Variants in IL6R observed in about 807,000 individuals in gnomAD.
The protein encoded by IL6R is interleukin 6 receptor, also known as interleukin-6 receptor subunit alpha.
In IL6R, 38 loss-of-function variants were observed where a neutral mutation model predicts 48.3. The ratio of observed to expected loss-of-function variants is 0.79; its 90% CI spans 0.61 to 1.03. The LOEUF (loss-of-function observed/expected upper bound fraction) is 1.03, where lower values mean the gene tolerates loss of function less well. Ranked by LOEUF, IL6R falls within the 50% of genes least tolerant of loss-of-function variation. The pLI, the probability that IL6R is intolerant of heterozygous loss-of-function variation, is 0.00. For synonymous variants in IL6R, 264 were observed against 256.2 expected (o/e 1.03, Z -0.29); for missense variants, 534 against 618.3 (o/e 0.86, Z 1.45).
At chr1:154,424,822 C>T (rs1018675823) in intron 1 of IL6R, among the ~76,000 whole-genome samples, 2 of 152,122 alleles carry the variant, frequency 1.3e-5, no homozygotes, top group African/African-American at 2.4e-5. Flanking sequence ...CAAAACCCCT[C>T]AGACACCGAG....
At chr1:154,428,237 CA>C (rs1190166749) in intron 1 of IL6R, among the ~76,000 whole-genome samples, 1 of 152,040 alleles carries the variant, frequency 6.6e-6, no homozygotes, top group Non-Finnish European at 1.5e-5. Context: ...AGAATACACC[CA>C]ATTTTTTTCA....
At chr1:154,439,403 C>T (rs1689812170) in intron 6 of IL6R, among the ~76,000 whole-genome samples, 1 of 152,176 alleles carries the variant, frequency 6.6e-6, no homozygotes, top group South Asian at 2.1e-4. Context: ...CAACCTCTGC[C>T]TCCCGGGTTC....
intron 7 of IL6R, among the ~76,000 whole-genome samples, chr1:154,448,951 T>A (rs1030435950): frequency 1.5e-5 from 2 of 132,602 alleles, no homozygotes; most frequent in African/African-American, 2.9e-5. Context: ...CGGACTGCAG[T>A]GGCGCAATCT....
chr1:154,423,431 G>GT (rs1688801120), intron 1 of IL6R, among the ~76,000 whole-genome samples: 1 of 151,674 alleles, frequency 6.6e-6, no homozygotes, highest in African/African-American at 2.4e-5. Flanking sequence ...AATGTTACTT[G>GT]TTCTGAGAGT....
intron 1 of IL6R, among the ~76,000 whole-genome samples, chr1:154,423,161 C>T (rs1688776205): frequency 6.6e-6 from 1 of 151,192 alleles, no homozygotes; most frequent in South Asian, 2.1e-4. Flanking sequence ...CCCTCATCCC[C>T]CGACATCCCT....
chr1:154,444,739 A>T (rs1690121735), intron 6 of IL6R, among the ~76,000 whole-genome samples: 1 of 152,086 alleles, frequency 6.6e-6, no homozygotes, highest in Non-Finnish European at 1.5e-5. Context: ...TTTACAAAAA[A>T]AAGTTAAAAA....
intron 1 of IL6R, among the ~76,000 whole-genome samples, chr1:154,426,001 G>T (rs1314228726): frequency 3.3e-5 from 5 of 150,924 alleles, no homozygotes; most frequent in African/African-American, 1.2e-4. Context: ...CTTGAGCCCA[G>T]GAGTTTGAGG....
intron 6 of IL6R, among the ~76,000 whole-genome samples, chr1:154,438,696 C>T (rs533640363): frequency 5.3e-5 from 8 of 152,142 alleles, no homozygotes; most frequent in African/African-American, 9.7e-5. Flanking sequence ...GGTGATGGCT[C>T]TTCCTCCTGG....
chr1:154,430,200 G>C (rs576007488), intron 2 of IL6R, among the ~76,000 whole-genome samples: 3 of 151,914 alleles, frequency 2.0e-5, no homozygotes, highest in Non-Finnish European at 4.4e-5. Context: ...CCTTTTTTTC[G>C]ATCATCCTCT....
At chr1:154,430,432 C>A in intron 2 of IL6R, 51 bp from the exon 3 acceptor site, 5 of 1,601,324 alleles carry the variant, frequency 3.1e-6, no homozygotes, top group South Asian at 2.2e-5. Context: ...GAGGTCAGTG[C>A]GCCCCAGGAT....
chr1:154,443,470 C>T (rs1442160271), intron 6 of IL6R, among the ~76,000 whole-genome samples: 2 of 152,218 alleles, frequency 1.3e-5, no homozygotes, highest in Admixed American at 6.5e-5. Context: ...CTTTCTGGAA[C>T]ATTCCACTGG....
chr1:154,434,555 C>T lies in IL6R; in HGVS notation c.495C>T (p.Cys165=). 5 of 1,613,958 alleles carry T rather than the reference C, an allele frequency of 3.1e-6. No individual in the cohort carries two copies. The highest frequency in any genetic ancestry group is 4.2e-6 in the Non-Finnish European group (5 of 1,179,978). The change falls in exon 4 of 10, where the codon TGC becomes TGT. Residue 165 remains cysteine (C), a synonymous_variant. Transcript: ENST00000368485. ...CGGCCGAAGACTTCCAGGAGCCGTG[C>T]CAGTATTCCCAGGAGTCCCAGAAGT... ...NSPAEDFQEP[C]QYSQESQKFS...
chr1:154,438,206 A>G (rs903239700), intron 6 of IL6R, among the ~76,000 whole-genome samples: 1 of 147,174 alleles, frequency 6.8e-6, no homozygotes, highest in African/African-American at 2.5e-5. Flanking sequence ...ACAAGCTTAT[A>G]TGGCTTTTTT....
At position 154,434,971 on chromosome 1, in the gene IL6R, A is replaced by G; in HGVS notation, c.641-19A>G. The G allele has an allele frequency of 2.5e-6, 4 of 1,613,012 alleles. No homozygotes were observed. The highest frequency in any genetic ancestry group is 2.5e-6 in the Non-Finnish European group (3 of 1,179,750). On this transcript the variant is annotated intron_variant, in intron 4 of 9. Transcript: ENST00000368485. ...CTATATTTGGTGCTGCAAAGGAGTC[A>G]TGCTCACTTTTCCCACAGTGCAGCC...
At chr1:154,449,679 C>CTTTTT (rs1350622789) in intron 7 of IL6R, among the ~76,000 whole-genome samples, 1 of 152,148 alleles carries the variant, frequency 6.6e-6, no homozygotes, top group Admixed American at 6.5e-5. Flanking sequence ...CAGCTTTAAG[C>CTTTTT]TTTTGGTGGA....
rs1394541746 is a variant in IL6R at position 154,468,484 on chromosome 1, C to T, written c.*3104C>T. 1.3e-5 allele frequency: 2 copies of T among 152,220 alleles called. No individual in the cohort carries two copies. Among genetic ancestry groups the T allele is most frequent in the African/African-American group, 2.4e-5 (1 of 41,438 alleles). The allele number at this position is 152,220 out of a possible 1,614,324, so 9.4% of individuals were successfully genotyped here. A position where few individuals can be genotyped will look rare whatever the true frequency, so the allele number is the denominator to read the frequency against. ...GTTTGTAGCATTAATGAAATATTTT[C>T]AAGAAATGTGTCCAGGGGTAGCACT... On this transcript the variant is annotated 3_prime_UTR_variant, in exon 10 of 10. Transcript: ENST00000368485.
At chr1:154,415,415 T>G (rs887807594) in intron 1 of IL6R, among the ~76,000 whole-genome samples, 2 of 152,250 alleles carry the variant, frequency 1.3e-5, no homozygotes, top group African/African-American at 4.8e-5. Flanking sequence ...TTTTCAAAGT[T>G]ACATTTTAAA....
At position 154,468,184 on chromosome 1, in the gene IL6R, G is replaced by C. The variant is rs895612836; in HGVS notation, c.*2804G>C. ...TGTAGGCCTGGCTCAGCGTACACAG[G>C]TATACATCCTAAGCTCTCTATGTTC... On this transcript the variant is annotated 3_prime_UTR_variant, in exon 10 of 10. Transcript: ENST00000368485. The C allele has an allele frequency of 6.6e-6, 1 of 152,174 alleles. No individual in the cohort carries two copies. The highest frequency in any genetic ancestry group is 2.4e-5 in the African/African-American group (1 of 41,424). 9.4% of individuals were successfully genotyped at this position (152,174 alleles called of 1,614,324 possible).
chr1:154,464,292 T>G (rs1691427164), intron 9 of IL6R, among the ~76,000 whole-genome samples: 1 of 151,962 alleles, frequency 6.6e-6, no homozygotes, highest in African/African-American at 2.4e-5. Context: ...GTATCTGGGA[T>G]TACAGGTGCC....
Sources: gnomAD v4.1 joint callset for allele counts (sites outside exome capture counted in the v4.1 genomes callset) on GRCh38, gnomAD v4.1.1 for gene constraint, MANE v1.5 for transcripts, NCBI Gene and HGNC (gene_info 2026-07-23, HGNC 2026-07-21) for gene names.